The following NPIPB2 variants were observed in gnomAD, a reference collection of about 807,000 sequenced individuals.
NPIPB2 encodes the protein nuclear pore complex-interacting protein family member B2.
In NPIPB2, 27 loss-of-function variants were observed where a neutral mutation model predicts 30.8. The observed-to-expected ratio is 0.88, with a 90% CI of 0.65 to 1.21. NPIPB2 has a LOEUF of 1.21. Among genes scored for constraint, NPIPB2 ranks in the 50% most tolerant of loss-of-function variants. NPIPB2 has a pLI of 0.00. For synonymous variants in NPIPB2, 147 were observed against 162.0 expected (o/e 0.91, Z 0.70); for missense variants, 440 against 446.2 (o/e 0.99, Z 0.13).
Position 11,933,716 on chromosome 16 carries a change from G to A in NPIPB2, c.293-4C>T. The A allele has an allele frequency of 2.5e-6, 4 of 1,596,946 alleles. No individual in the cohort carries two copies. The highest frequency in any genetic ancestry group is 3.4e-6 in the Non-Finnish European group (4 of 1,179,282). ...TGCATACAAATGGACCTCAGCCCTTGGTGAGAGTGAGGAGAGGAGAAGGTG... is the reference window on the plus strand; with the variant it reads ...TGCATACAAATGGACCTCAGCCCTTAGTGAGAGTGAGGAGAGGAGAAGGTG... On this transcript the variant is annotated splice_region_variant and splice_polypyrimidine_tract_variant and intron_variant, in intron 3 of 7. Transcript: ENST00000399147.
At chr16:11,933,271 G>T (rs1412160853) in intron 4 of NPIPB2, among the ~76,000 whole-genome samples, 1 of 150,774 alleles carries the variant, frequency 6.6e-6, no homozygotes, top group Non-Finnish European at 1.5e-5. Flanking sequence ...AAAAAAAAGA[G>T]ACAGAGAAAG....
rs549285954 is a variant in NPIPB2, at chr16:11,975,456, C to G, written c.-584+1112G>C. 2.1e-3 allele frequency among the ~76,000 whole-genome samples: 319 copies of G among 152,138 alleles called. 2 individuals carry two copies. The highest frequency in any genetic ancestry group is 7.3e-3 in the African/African-American group (305 of 41,506). On this transcript the variant is annotated intron_variant, in intron 1 of 5. Transcript: ENST00000538896. ...GCCACCGCGCCCGGCCAATCCATCA[C>G]CTTTTCTATCTCCACTGCCACCACT... is the stretch of plus-strand genomic sequence containing the variant.
intron 1 of NPIPB2, among the ~76,000 whole-genome samples, chr16:11,953,983 A>T (rs374531239): frequency 1.2e-3 from 175 of 152,034 alleles, no homozygotes; most frequent in African/African-American, 3.9e-3. Flanking sequence ...GCCTCATATC[A>T]TCTTTTTTTG....
chr16:11,945,667 G>C (rs147352468), upstream of NPIPB2, among the ~76,000 whole-genome samples: 1,412 of 151,766 alleles, frequency 9.3e-3, 17 homozygotes, highest in South Asian at 0.025. Flanking sequence ...GACAGAGTGA[G>C]ACTCTGTCTT....
chr16:11,943,504 C>G (rs1394419072), upstream of NPIPB2, among the ~76,000 whole-genome samples: 3 of 151,212 alleles, frequency 2.0e-5, no homozygotes, highest in African/African-American at 7.3e-5. Flanking sequence ...GAGTTCGAGA[C>G]CAGACTGACC....
intron 1 of NPIPB2, among the ~76,000 whole-genome samples, chr16:11,971,224 ACT>A (rs1385326599): frequency 5.3e-5 from 8 of 152,096 alleles, no homozygotes; most frequent in African/African-American, 1.9e-4. Flanking sequence ...AAAGGGTCAA[ACT>A]CTAAAACATG....
upstream of NPIPB2, among the ~76,000 whole-genome samples, chr16:11,942,381 CAAT>C (rs1369784898): frequency 6.7e-6 from 1 of 149,694 alleles, no homozygotes; most frequent in African/African-American, 2.5e-5. Flanking sequence ...CCTTTCAACT[CAAT>C]GATGAGATCA....
chr16:11,957,482 C>T (rs757316693), intron 1 of NPIPB2, among the ~76,000 whole-genome samples: 13 of 151,690 alleles, frequency 8.6e-5, no homozygotes, highest in Admixed American at 4.0e-4. Flanking sequence ...TTTGTACAGA[C>T]GGGGTTTCAC....
At chr16:11,949,306 T>C (rs1183962173) in intron 1 of NPIPB2, among the ~76,000 whole-genome samples, 2 of 152,060 alleles carry the variant, frequency 1.3e-5, no homozygotes, top group Non-Finnish European at 2.9e-5. Flanking sequence ...CCTTGCAAAA[T>C]AGGTATCATC....
At chr16:11,949,119 T>C (rs1442600910) in intron 1 of NPIPB2, among the ~76,000 whole-genome samples, 1 of 152,050 alleles carries the variant, frequency 6.6e-6, no homozygotes, top group African/African-American at 2.4e-5. Context: ...ATCGGGCCAC[T>C]CTACTCCAGC....
At chr16:11,955,237 C>T (rs1043551575) in intron 1 of NPIPB2, among the ~76,000 whole-genome samples, 2 of 151,362 alleles carry the variant, frequency 1.3e-5, no homozygotes, top group Non-Finnish European at 2.9e-5. Context: ...GCCTATAATC[C>T]CAGCTACTCT....
intron 2 of NPIPB2, among the ~76,000 whole-genome samples, chr16:11,934,213 GAAT>G (rs2054833538): frequency 7.9e-6 from 1 of 126,326 alleles, no homozygotes; most frequent in Non-Finnish European, 1.7e-5. Context: ...CTGAGAGACA[GAAT>G]GAGACTCTGT....
At chr16:11,974,244 T>A (rs2055253570) in intron 1 of NPIPB2, among the ~76,000 whole-genome samples, 1 of 151,956 alleles carries the variant, frequency 6.6e-6, no homozygotes, top group Non-Finnish European at 1.5e-5. Flanking sequence ...CAGACTGGGG[T>A]TGGTGGCTCA....
intron 1 of NPIPB2, among the ~76,000 whole-genome samples, chr16:11,962,266 C>T (rs936751396): frequency 6.7e-6 from 1 of 149,666 alleles, no homozygotes; most frequent in African/African-American, 2.5e-5. Flanking sequence ...TTTGGGAGGC[C>T]GAGGCGGGTC....
chr16:11,960,355 T>TTC (rs2055144530), intron 1 of NPIPB2, among the ~76,000 whole-genome samples: 1 of 74,210 alleles, frequency 1.3e-5, no homozygotes, highest in African/African-American at 3.7e-5. Flanking sequence ...ATGGTTCCCT[T>TTC]TTTTTTTTTT....
chr16:11,933,998 C>T (rs1045860872), intron 2 of NPIPB2, 74 bp from the exon 3 acceptor site: 8 of 1,225,670 alleles, frequency 6.5e-6, no homozygotes, highest in East Asian at 2.4e-5. Flanking sequence ...TTTGGGAGGC[C>T]GAGGCAGGTG....
At chr16:11,974,179 C>T (rs1052058097) in intron 1 of NPIPB2, among the ~76,000 whole-genome samples, 2 of 152,118 alleles carry the variant, frequency 1.3e-5, no homozygotes, top group South Asian at 2.1e-4. Flanking sequence ...GCCATATTTT[C>T]GGGTACTGGT....
chr16:11,944,787 A>G (rs2054987315), upstream of NPIPB2, among the ~76,000 whole-genome samples: 1 of 151,182 alleles, frequency 6.6e-6, no homozygotes, highest in Non-Finnish European at 1.5e-5. Flanking sequence ...AACAAAACAT[A>G]TACAAAAGAA....
intron 1 of NPIPB2, among the ~76,000 whole-genome samples, chr16:11,969,882 G>A (rs1161072130): frequency 2.0e-5 from 3 of 151,796 alleles, no homozygotes; most frequent in African/African-American, 4.8e-5. Context: ...TTTTTGAGAC[G>A]GGGTCTTGCT....
Sources: gnomAD v4.1 joint callset for allele counts (sites outside exome capture counted in the v4.1 genomes callset) on GRCh38, gnomAD v4.1.1 for gene constraint, MANE v1.5 for transcripts, NCBI Gene and HGNC (gene_info 2026-07-23, HGNC 2026-07-21) for gene names.